Variants in DTYMK observed in about 807,000 individuals in gnomAD.
The protein encoded by DTYMK is thymidylate kinase.
Under a neutral mutation model 20.3 loss-of-function variants are expected in DTYMK, and 20 were observed. The observed-to-expected ratio is 0.99, with a 90% CI of 0.69 to 1.43. The LOEUF is 1.43. Among genes scored for constraint, DTYMK ranks in the 40% most tolerant of loss-of-function variants. The pLI is 0.00. For synonymous variants in DTYMK, 148 were observed against 124.4 expected (o/e 1.19, Z -1.27); for missense variants, 320 against 291.1 (o/e 1.10, Z -0.72).
rs770152197 is a variant in DTYMK, at chr2:241,680,201, G to A, written c.330+28C>T. 16 of 1,611,878 alleles carry A rather than the reference G, an allele frequency of 9.9e-6. No individual in the cohort carries two copies. The East Asian group carries it at 1.3e-4, about 13-fold the overall frequency. On this transcript the variant is annotated intron_variant, in intron 3 of 4. Coordinates refer to ENST00000305784, the MANE Select transcript of DTYMK (RefSeq NM_012145.4). ...GTCCTGGGTCCACACATCTGTGCTC[G>A]CCTGACAGGAGGCCAAGTGGCACTC... is the stretch of plus-strand genomic sequence containing the variant.
chr2:241,681,495 G>A (rs1303777717), intron 2 of DTYMK, among the ~76,000 whole-genome samples: 1 of 152,028 alleles, frequency 6.6e-6, no homozygotes, highest in African/African-American at 2.4e-5. Context: ...CTCGAGACCT[G>A]CCTGGGCAAT....
intron 3 of DTYMK, among the ~76,000 whole-genome samples, chr2:241,678,989 C>T (rs1230312415): frequency 6.6e-6 from 1 of 152,194 alleles, no homozygotes; most frequent in Admixed American, 6.5e-5. Flanking sequence ...CCCTGGAGAC[C>T]CCCGGCCTAG....
intron 2 of DTYMK, chr2:241,685,433 T>C (rs2069364010): frequency 5.4e-6 from 1 of 183,878 alleles, no homozygotes; most frequent in Admixed American, 5.9e-5. Flanking sequence ...CTCGGGAGGC[T>C]GACGCAGGAG....
In DTYMK at chr2:241,685,661, G is replaced by C. The variant is rs183230466; in HGVS notation, c.239+108C>G. 66 of 1,192,658 alleles carry C rather than the reference G, an allele frequency of 5.5e-5. No individual in the cohort carries two copies. In the African/African-American group the frequency reaches 8.5e-4, roughly 15 times the overall value. 73.9% of individuals were successfully genotyped at this position (1,192,658 alleles called of 1,614,324 possible). On this transcript the variant is annotated intron_variant, in intron 2 of 4. Transcript: ENST00000305784. ...AGGACTGCTAAACAGAAGAACATCAGGCCCAGCACTACTGTCACTGTCATT... is the reference window on the plus strand; with the variant it reads ...AGGACTGCTAAACAGAAGAACATCACGCCCAGCACTACTGTCACTGTCATT...
rs1162763324 is a variant in DTYMK at position 241,676,181 on chromosome 2, A to T, written c.585T>A (p.Ser195=). Residue 195 remains serine, a synonymous_variant, in exon 5 of 5, where the codon TCT becomes TCA. Coordinates refer to ENST00000305784, the MANE Select transcript of DTYMK (RefSeq NM_012145.4). ...CTGTGGCAGTGCGGATGGCGTCCTC[A>T]GAGAGCACGCGGATGTCCTCATGGA... ...EAVHEDIRVL[S]EDAIRTATEK... 2 of 1,613,114 alleles carry T rather than the reference A, an allele frequency of 1.2e-6. No individual in the cohort carries two copies. The highest frequency in any genetic ancestry group is 2.7e-5 in the African/African-American group (2 of 74,920).
intron 3 of DTYMK, among the ~76,000 whole-genome samples, chr2:241,679,291 C>G (rs1331559462): frequency 6.6e-6 from 1 of 152,222 alleles, no homozygotes. Flanking sequence ...ACACATCACA[C>G]AACAGCACAA....
chr2:241,686,004 A>T, intron 1 of DTYMK, 127 bp from the exon 2 acceptor site: 1 of 906,228 alleles, frequency 1.1e-6, no homozygotes, highest in South Asian at 1.7e-5. Context: ...CTAAATCTCT[A>T]GACAGGCTTG....
At position 241,680,230 on chromosome 2, in the gene DTYMK, T is replaced by A; in HGVS notation, c.329A>T (p.Glu110Val). The change falls in exon 3 of 5, where the codon GAG becomes GTG. Residue 110 changes from glutamate to valine, a missense_variant and splice_region_variant. By Grantham distance (121) the Glu-to-Val change is moderately radical. Coordinates refer to ENST00000305784, the MANE Select transcript of DTYMK (RefSeq NM_012145.4). ...GACAGGAGGCCAAGTGGCACTCACC[T>A]CCTTGGCACCGGTGAAGGCCACACC... ...FSGVAFTGAK[E>V]NFSLDWCKQP... 3 of 1,614,094 alleles carry A rather than the reference T, an allele frequency of 1.9e-6. No individual in the cohort carries two copies. The highest frequency in any genetic ancestry group is 2.2e-5 in the East Asian group (1 of 44,878).
At chr2:241,679,474 A>C (rs970994969) in intron 3 of DTYMK, among the ~76,000 whole-genome samples, 1 of 152,232 alleles carries the variant, frequency 6.6e-6, no homozygotes, top group African/African-American at 2.4e-5. Flanking sequence ...GCAGAATTAA[A>C]AAGTGAGGGC....
chr2:241,679,775 C>A (rs2069197074), intron 3 of DTYMK, among the ~76,000 whole-genome samples: 1 of 152,050 alleles, frequency 6.6e-6, no homozygotes, highest in Non-Finnish European at 1.5e-5. Context: ...TTGAGACCAG[C>A]CTGGCCAACA....
intron 4 of DTYMK, among the ~76,000 whole-genome samples, chr2:241,677,597 T>C (rs2069146333): frequency 6.6e-6 from 1 of 152,040 alleles, no homozygotes; most frequent in African/African-American, 2.4e-5. Context: ...AGAGGCCACG[T>C]GGGCAGCGGT....
chr2:241,686,102 A>G (rs187548785), intron 1 of DTYMK, among the ~76,000 whole-genome samples: 1 of 152,318 alleles, frequency 6.6e-6, no homozygotes, highest in Admixed American at 6.5e-5. Flanking sequence ...AGGAAAAAAG[A>G]ACTCGGGTAG....
intron 2 of DTYMK, chr2:241,684,878 G>A (rs1575108554): frequency 1.0e-5 from 4 of 397,676 alleles, no homozygotes; most frequent in East Asian, 1.4e-4. Flanking sequence ...GGGAAGGGGG[G>A]AAGGCAGGGG....
At chr2:241,685,591 A>C in intron 2 of DTYMK, 178 bp downstream of exon 2, 1 of 586,684 alleles carries the variant, frequency 1.7e-6, no homozygotes, top group African/African-American at 1.9e-5. Context: ...AACAGCATTC[A>C]TTAGCGCCCT....
chr2:241,677,426 T>C (rs1450645715), intron 4 of DTYMK, among the ~76,000 whole-genome samples: 1 of 152,186 alleles, frequency 6.6e-6, no homozygotes, highest in African/African-American at 2.4e-5. Flanking sequence ...AACGAAAAGC[T>C]GCGTGACCAG....
rs1416072231 is a variant in DTYMK at position 241,678,605 on chromosome 2, G to C, written c.375C>G (p.Pro125=). The C allele has an allele frequency of 1.9e-6, 3 of 1,614,158 alleles. No homozygotes were observed. Among genetic ancestry groups the C allele is most frequent in the South Asian group, 2.2e-5 (2 of 91,082 alleles). The change falls in exon 4 of 5, where the codon CCC becomes CCG. Residue 125 remains proline (P), a synonymous_variant. Coordinates refer to ENST00000305784, the MANE Select transcript of DTYMK (RefSeq NM_012145.4). ...DWCKQPDVGL[P]KPDLVLFLQL... Reference sequence around the variant, plus strand: ...GGAGGAACAGGACCAGGTCGGGTTTGGGAAGGCCCACGTCTGGCTGTTTAC... The same window carrying C: ...GGAGGAACAGGACCAGGTCGGGTTTCGGAAGGCCCACGTCTGGCTGTTTAC...
At chr2:241,684,958 A>G (rs2069346169) in intron 2 of DTYMK, among the ~76,000 whole-genome samples, 1 of 151,996 alleles carries the variant, frequency 6.6e-6, no homozygotes, top group Admixed American at 6.6e-5. Context: ...AGCTATCTTT[A>G]AAACATTAAG....
At chr2:241,679,004 C>T (rs930204083) in intron 3 of DTYMK, among the ~76,000 whole-genome samples, 4 of 152,188 alleles carry the variant, frequency 2.6e-5, no homozygotes, top group Non-Finnish European at 4.4e-5. Context: ...GCCTAGAACG[C>T]CTGCAGCACA....
At chr2:241,685,197 TC>T (rs2069354734) in intron 2 of DTYMK, 2 of 150,256 alleles carry the variant, frequency 1.3e-5, no homozygotes, top group Non-Finnish European at 2.9e-5. Context: ...CAATACCTTG[TC>T]TTAAAAATAA....
Sources: gnomAD v4.1 joint callset for allele counts (sites outside exome capture counted in the v4.1 genomes callset) on GRCh38, gnomAD v4.1.1 for gene constraint, MANE v1.5 for transcripts, NCBI Gene and HGNC (gene_info 2026-07-23, HGNC 2026-07-21) for gene names.